Variants in MED12L observed in about 807,000 individuals in gnomAD.
MED12L encodes mediator complex subunit 12L.
MED12L carries 60 observed loss-of-function variants against 281.3 expected under a neutral mutation model. The ratio of observed to expected loss-of-function variants is 0.21; its 90% CI spans 0.17 to 0.26. MED12L has a LOEUF of 0.26. Ranked by LOEUF, MED12L falls within the 10% of genes least tolerant of loss-of-function variation. MED12L has a pLI of 1.00. For missense variants in MED12L, 2,146 were observed against 2,680.9 expected (o/e 0.80, Z 4.41); for synonymous variants, 974 against 987.2 (o/e 0.99, Z 0.25).
intron 20 of MED12L, among the ~76,000 whole-genome samples, chr3:151,358,815 A>G (rs1274578923): frequency 6.6e-6 from 1 of 152,200 alleles, no homozygotes; most frequent in Non-Finnish European, 1.5e-5. Context: ...TTGCAAATCA[A>G]AGAAGTTGAG....
Position 151,404,645 on chromosome 3 carries a change from G to A in MED12L, c.5821-4598G>A, listed in dbSNP as rs1012249768. 3.9e-5 allele frequency among the ~76,000 whole-genome samples: 6 copies of A among 152,252 alleles called. No individual in the cohort carries two copies. In the East Asian group the frequency reaches 9.7e-4, roughly 24 times the overall value. On this transcript the variant is annotated intron_variant, in intron 39 of 44. Transcript: ENST00000687756. ...CATTACCCACTGGTTTTTGTTATGT[G>A]CCTTTTATTACTTTTTTCCAAATCA...
chr3:151,164,096 A>G (rs1157971284), intron 9 of MED12L, 54 bp downstream of exon 9: 36 of 1,582,838 alleles, frequency 2.3e-5, no homozygotes, highest in Non-Finnish European at 3.0e-5. Context: ...GACAGGCATC[A>G]GGGCACAGTG....
At chr3:151,307,726 A>G (rs1449261938) in intron 16 of MED12L, among the ~76,000 whole-genome samples, 1 of 152,132 alleles carries the variant, frequency 6.6e-6, no homozygotes, top group Non-Finnish European at 1.5e-5. Context: ...GGATTCAACA[A>G]CCTGCCCAAT....
intron 2 of MED12L, among the ~76,000 whole-genome samples, chr3:151,098,285 G>A (rs1720976460): frequency 6.6e-6 from 1 of 152,204 alleles, no homozygotes; most frequent in South Asian, 2.1e-4. Flanking sequence ...TATTGAGGCA[G>A]AAGGATTGCC....
chr3:151,154,437 C>CT (rs2148928125), intron 5 of MED12L, among the ~76,000 whole-genome samples: 1 of 152,204 alleles, frequency 6.6e-6, no homozygotes, highest in East Asian at 1.9e-4. Flanking sequence ...AGGTGATGGC[C>CT]TTACAGATGG....
intron 16 of MED12L, among the ~76,000 whole-genome samples, chr3:151,268,949 G>A (rs562701144): frequency 1.3e-5 from 2 of 152,284 alleles, no homozygotes; most frequent in African/African-American, 2.4e-5. Flanking sequence ...TCTTCCTGAC[G>A]AGAAAGAAGA....
intron 43 of MED12L, among the ~76,000 whole-genome samples, chr3:151,428,448 A>T (rs2108468667): frequency 6.6e-6 from 1 of 152,248 alleles, no homozygotes; most frequent in South Asian, 2.1e-4. Flanking sequence ...TGGTGGAGGG[A>T]ATAGTTCATT....
intron 15 of MED12L, among the ~76,000 whole-genome samples, chr3:151,193,237 A>G (rs1157438405): frequency 6.6e-6 from 1 of 152,218 alleles, no homozygotes; most frequent in African/African-American, 2.4e-5. Context: ...CTTTCCAGGT[A>G]GTGTAGACAC....
At chr3:151,274,479 G>C (rs533435939) in intron 16 of MED12L, among the ~76,000 whole-genome samples, 10 of 152,222 alleles carry the variant, frequency 6.6e-5, no homozygotes, top group Non-Finnish European at 1.0e-4. Flanking sequence ...CAGAAACATA[G>C]GTAGGCAGTT....
chr3:151,243,433 C>G (rs916115686), intron 16 of MED12L, among the ~76,000 whole-genome samples: 1 of 151,966 alleles, frequency 6.6e-6, no homozygotes, highest in Non-Finnish European at 1.5e-5. Context: ...AGAAACCCTA[C>G]AAGCCAGAAG....
intron 16 of MED12L, among the ~76,000 whole-genome samples, chr3:151,210,989 G>A (rs1375294387): frequency 6.6e-6 from 1 of 152,196 alleles, no homozygotes; most frequent in Non-Finnish European, 1.5e-5. Context: ...AAAAGGACCT[G>A]GCAAGTGTTC....
chr3:151,163,466 A>G lies in MED12L; in HGVS notation c.1108-427A>G, dbSNP rs566251617. On this transcript the variant is annotated intron_variant, in intron 8 of 44. Transcript: ENST00000687756. ...CCTGCCCACCATTTATGAAGCTACTATTACATGATTATTTGATTTTGTTTT... is the reference window on the plus strand; with the variant it reads ...CCTGCCCACCATTTATGAAGCTACTGTTACATGATTATTTGATTTTGTTTT... Among the ~76,000 whole-genome samples the G allele has an allele frequency of 2.0e-5, 3 of 151,930 alleles. No individual in the cohort carries two copies. The East Asian group carries it at 5.8e-4, about 29-fold the overall frequency.
chr3:151,368,769 T>A (rs1343369342), intron 25 of MED12L, among the ~76,000 whole-genome samples: 4 of 143,776 alleles, frequency 2.8e-5, no homozygotes, highest in Admixed American at 7.1e-5. Flanking sequence ...CATTTTTTTT[T>A]TTTTTTTTCC....
At chr3:151,192,518 C>T (rs1416683193) in intron 14 of MED12L, 32 bp from the exon 15 acceptor site, 1 of 1,438,194 alleles carries the variant, frequency 7.0e-7, no homozygotes, top group Non-Finnish European at 9.5e-7. Context: ...CCAAAACTTA[C>T]AATGTTACTT....
At chr3:151,101,482 T>C (rs371615718) in intron 2 of MED12L, among the ~76,000 whole-genome samples, 6 of 152,148 alleles carry the variant, frequency 3.9e-5, no homozygotes, top group African/African-American at 1.4e-4. Flanking sequence ...AACATTCTGC[T>C]CTATTTATAT....
At chr3:151,117,159 A>G (rs925203815) in intron 3 of MED12L, among the ~76,000 whole-genome samples, 20 of 151,990 alleles carry the variant, frequency 1.3e-4, no homozygotes, top group Admixed American at 9.8e-4. Flanking sequence ...TCAAGTTTTT[A>G]TTGTCACTTT....
chr3:151,107,281 C>CA (rs1722196828), intron 2 of MED12L, among the ~76,000 whole-genome samples: 1 of 152,074 alleles, frequency 6.6e-6, no homozygotes, highest in Admixed American at 6.6e-5. Context: ...AGAAGCTTAC[C>CA]ACTGTAAGAG....
At position 151,355,135 on chromosome 3, in the gene MED12L, C is replaced by A; in HGVS notation, c.2413C>A (p.Gln805Lys). The change falls in exon 18 of 45, where the codon CAA becomes AAA. Residue 805 changes from glutamine to lysine, a missense_variant. Physicochemically the swap from Gln to Lys is moderately conservative, Grantham distance 53 (BLOSUM62 1). Transcript: ENST00000687756. The part of the protein sequence containing the change: ...TTETGVGDEG[Q>K]KARKNKQETF... ...TGTTTATGTAGTTGGGGACGAAGGA[C>A]AAAAAGCCAGGAAGAACAAACAGGA... The A allele has an allele frequency of 6.2e-7, 1 of 1,613,572 alleles. No homozygotes were observed. The highest frequency in any genetic ancestry group is 8.5e-7 in the Non-Finnish European group (1 of 1,179,692).
chr3:151,102,556 C>A (rs1242154441), intron 2 of MED12L, among the ~76,000 whole-genome samples: 1 of 152,120 alleles, frequency 6.6e-6, no homozygotes, highest in Non-Finnish European at 1.5e-5. Context: ...GAACATGGTT[C>A]ACTGCAACCT....
Sources: allele counts gnomAD v4.1 joint callset (sites outside exome capture counted in the v4.1 genomes callset), GRCh38; gene constraint gnomAD v4.1.1; transcripts MANE v1.5; gene names NCBI Gene and HGNC (gene_info 2026-07-23, HGNC 2026-07-21).